Variants in NEURL1 observed in about 807,000 individuals in gnomAD.
NEURL1 encodes E3 ubiquitin-protein ligase NEURL1.
A neutral mutation model predicts 41.2 loss-of-function variants in NEURL1; 26 were observed. The ratio of observed to expected loss-of-function variants is 0.63; its 90% CI spans 0.46 to 0.87. The LOEUF is 0.87. NEURL1 is among the 40% of genes least tolerant of loss of function. The pLI is 0.00. For missense variants in NEURL1, 761 were observed against 871.1 expected (o/e 0.87, Z 1.59); for synonymous variants, 400 against 402.3 (o/e 0.99, Z 0.07).
At chr10:103,527,224 C>G (rs1194030339) in intron 1 of NEURL1, among the ~76,000 whole-genome samples, 2 of 150,808 alleles carry the variant, frequency 1.3e-5, no homozygotes, top group African/African-American at 2.4e-5. Context: ...GCTATTGGCA[C>G]TTTCATTGCT....
Position 103,562,690 on chromosome 10 carries a change from G to A in NEURL1, c.86-8182G>A, listed in dbSNP as rs557245350. On this transcript the variant is annotated intron_variant, in intron 1 of 5. Transcript: ENST00000369780. ...GCTTGGTGATGCGTCCTCTGTTAGG[G>A]GGCTGATGGGGTCCTCAAAGGTCCA... Among the ~76,000 whole-genome samples the A allele has an allele frequency of 2.6e-5, 4 of 152,298 alleles. No homozygotes were observed. The South Asian group carries it at 6.2e-4, about 24-fold the overall frequency.
At chr10:103,543,149 C>T (rs1406244603) in intron 1 of NEURL1, among the ~76,000 whole-genome samples, 3 of 152,128 alleles carry the variant, frequency 2.0e-5, no homozygotes, top group African/African-American at 4.8e-5. Flanking sequence ...CAAGGTTTTC[C>T]GCCCCTCCTC....
rs1198902087 is a variant in NEURL1 at position 103,584,830 on chromosome 10, G to T, written c.944G>T (p.Arg315Leu). 2.1e-6 allele frequency: 3 copies of T among 1,413,598 alleles called. No homozygotes were observed. The highest frequency in any genetic ancestry group is 2.7e-6 in the Non-Finnish European group (3 of 1,091,906). The allele number at this position is 1,413,598 out of a possible 1,614,324, so 87.6% of individuals were successfully genotyped here. A position where few individuals can be genotyped will look rare whatever the true frequency, so the allele number is the denominator to read the frequency against. ...ATCCTCGACGAGCAGACGGTGGCGC[G>T]CGTGGAGCACGGGCGCGACGAGCGC... ...VRILDEQTVA[R>L]VEHGRDERAL... is the part of the protein sequence containing the mutation. The change falls in exon 4 of 6, where the codon CGC (arginine) becomes CTC (leucine). Residue 315 changes from arginine to leucine, a missense_variant. By Grantham distance (102) the Arg-to-Leu change is moderately radical (BLOSUM62 -2). Around this residue, in one of 5 missense-constraint regions of NEURL1, gnomAD observed 443 missense variants for 408.1 expected, o/e 1.09. Coordinates refer to ENST00000369780, the MANE Select transcript of NEURL1 (RefSeq NM_004210.5).
intron 1 of NEURL1, among the ~76,000 whole-genome samples, chr10:103,513,579 G>A (rs1430990020): frequency 2.0e-5 from 3 of 152,208 alleles, no homozygotes; most frequent in Non-Finnish European, 4.4e-5. Context: ...GAGAGTGTCT[G>A]GGGTCATGTC....
chr10:103,500,804 C>T (rs1259394250), intron 1 of NEURL1, among the ~76,000 whole-genome samples: 2 of 152,214 alleles, frequency 1.3e-5, no homozygotes, highest in African/African-American at 2.4e-5. Context: ...GGTTCCCAGC[C>T]CCCAGCTCAG....
At position 103,525,954 on chromosome 10, in the gene NEURL1, A is replaced by G. The variant is rs117962599; in HGVS notation, c.85+31482A>G. Among the ~76,000 whole-genome samples, 184 of 152,306 alleles carry G rather than the reference A, an allele frequency of 1.2e-3. 3 individuals are homozygous for G. In the East Asian group the frequency reaches 0.034, roughly 28 times the overall value. ...TAACTTGTTGAGAGTTTTTATCATG[A>G]AGGGATGTTGAATTTTATCAAGTAC... On this transcript the variant is annotated intron_variant, in intron 1 of 5. Transcript: ENST00000369780.
In NEURL1 at chr10:103,589,627, T is replaced by G; in HGVS notation, c.1453T>G (p.Cys485Gly). The G allele has an allele frequency of 3.1e-6, 5 of 1,613,636 alleles. No individual in the cohort carries two copies. The highest frequency in any genetic ancestry group is 4.2e-6 in the Non-Finnish European group (5 of 1,179,758). ...SRLSDPLLST[C>G]SSGPLGSSAG... is the part of the protein sequence containing the mutation. ...CCTGTCTGACCCCTTGCTCAGCACG[T>G]GCAGCTCTGGCCCTCTGGGTAGCTC... Residue 485 changes from cysteine to glycine, a missense_variant, in exon 5 of 6, where the codon TGC becomes GGC. Cys to Gly is a radical substitution (Grantham distance 159). Transcript: ENST00000369780.
chr10:103,527,264 G>A lies in NEURL1; in HGVS notation c.85+32792G>A, dbSNP rs56778529. Among the ~76,000 whole-genome samples the A allele has an allele frequency of 1.1e-4, 16 of 150,762 alleles. No homozygotes were observed. The East Asian group carries it at 2.9e-3, about 28-fold the overall frequency. On this transcript the variant is annotated intron_variant, in intron 1 of 5. Transcript: ENST00000369780. ...TGGTTTTGGTAGGTTTTGACTGGCT[G>A]GATTTTTTTATTGCACTTTTTTTCT... is the stretch of plus-strand genomic sequence containing the variant.
chr10:103,576,948 T>G (rs2035678388), intron 3 of NEURL1, among the ~76,000 whole-genome samples: 2 of 151,960 alleles, frequency 1.3e-5, no homozygotes, highest in African/African-American at 4.8e-5. Flanking sequence ...AGCTTGGAGG[T>G]GCTGAGCATG....
chr10:103,522,141 A>G (rs2034362955), intron 1 of NEURL1, among the ~76,000 whole-genome samples: 1 of 152,164 alleles, frequency 6.6e-6, no homozygotes, highest in Non-Finnish European at 1.5e-5. Context: ...GAATGTCATC[A>G]GTTAAGGCAA....
chr10:103,544,738 G>A (rs1407531510), intron 1 of NEURL1, among the ~76,000 whole-genome samples: 1 of 152,206 alleles, frequency 6.6e-6, no homozygotes, highest in Admixed American at 6.5e-5. Context: ...TGTGAGGGGT[G>A]CAGCATTTGT....
intron 1 of NEURL1, among the ~76,000 whole-genome samples, chr10:103,542,511 C>T (rs566843936): frequency 7.2e-5 from 11 of 152,282 alleles, no homozygotes; most frequent in South Asian, 6.2e-4. Flanking sequence ...GATCCTCCTG[C>T]GTCAGCCTCC....
chr10:103,535,337 A>G (rs571057897), intron 1 of NEURL1, among the ~76,000 whole-genome samples: 1 of 152,214 alleles, frequency 6.6e-6, no homozygotes, highest in South Asian at 2.1e-4. Context: ...GTAGGGCAGG[A>G]TGTCTCAGTT....
At chr10:103,494,596 T>C in intron 1 of NEURL1, 124 bp downstream of exon 1, 3 of 854,694 alleles carry the variant, frequency 3.5e-6, no homozygotes, top group Non-Finnish European at 5.2e-6. Context: ...GATGCACCTC[T>C]GGCCGTGGAG....
At position 103,584,870 on chromosome 10, in the gene NEURL1, C is replaced by G; in HGVS notation, c.984C>G (p.Thr328=). ...HGRDERALVF[T]SRPVRVAETI... ...GCGACGAGCGCGCGCTCGTCTTCAC[C>G]AGCCGGCCCGTGCGCGTGGCCGAGA... Residue 328 remains threonine, a synonymous_variant, in exon 4 of 6, where the codon ACC becomes ACG. Coordinates refer to ENST00000369780, the MANE Select transcript of NEURL1 (RefSeq NM_004210.5). 2 of 1,425,978 alleles carry G rather than the reference C, an allele frequency of 1.4e-6. No homozygotes were observed. The highest frequency in any genetic ancestry group is 1.8e-6 in the Non-Finnish European group (2 of 1,099,590). The allele number at this position is 1,425,978 out of a possible 1,614,324, so 88.3% of individuals were successfully genotyped here. A position where few individuals can be genotyped will look rare whatever the true frequency, so the allele number is the denominator to read the frequency against.
Position 103,584,731 on chromosome 10 carries a change from A to G in NEURL1, c.845A>G (p.His282Arg), listed in dbSNP as rs1478300722. Residue 282 changes from histidine to arginine, a missense_variant, in exon 4 of 6, where the codon CAC (histidine) becomes CGC (arginine). Coordinates refer to ENST00000369780, the MANE Select transcript of NEURL1 (RefSeq NM_004210.5). ...PIPQNSLNSQ[H>R]SRALPAQLDG... The stretch of plus-strand genomic sequence containing the variant: ...CCGCAGAACTCACTCAACTCGCAGC[A>G]CAGCCGCGCGCTGCCGGCGCAGCTC... 8 of 1,454,710 alleles carry G rather than the reference A, an allele frequency of 5.5e-6. No individual in the cohort carries two copies. The highest frequency in any genetic ancestry group is 7.2e-6 in the Non-Finnish European group (8 of 1,108,318). 90.1% of individuals were successfully genotyped at this position (1,454,710 alleles called of 1,614,324 possible).
At position 103,566,255 on chromosome 10, in the gene NEURL1, A is replaced by G. The variant is rs1014956587; in HGVS notation, c.86-4617A>G. On this transcript the variant is annotated intron_variant, in intron 1 of 5. Coordinates refer to ENST00000369780, the MANE Select transcript of NEURL1 (RefSeq NM_004210.5). This position sits in a 1 kb window ranked among gnomAD's most constrained non-coding sequence, Gnocchi z 4.2. The stretch of plus-strand genomic sequence containing the variant: ...CAGGTGCGAGACACCATGCCTGGCT[A>G]ATTTTTTATTTTTATCTGTACAACG... Among the ~76,000 whole-genome samples the G allele has an allele frequency of 6.6e-5, 10 of 151,992 alleles. No individual in the cohort carries two copies. The highest frequency in any genetic ancestry group is 2.4e-4 in the African/African-American group (10 of 41,366).
chr10:103,571,016 A>C lies in NEURL1; in HGVS notation c.230A>C (p.Asp77Ala), dbSNP rs1592231802. 6.2e-7 allele frequency: 1 copy of C among 1,613,862 alleles called. No individual in the cohort carries two copies. Among genetic ancestry groups the C allele is most frequent in the Non-Finnish European group, 8.5e-7 (1 of 1,179,972 alleles). The stretch of plus-strand genomic sequence containing the variant: ...ACCAAGGGCTCCCAGATCCTCATGG[A>C]CCTCAGCCACAAGGCTGTCAAGAGG... ...PHTKGSQILM[D>A]LSHKAVKRQA... The change falls in exon 2 of 6, where the codon GAC becomes GCC. Residue 77 changes from aspartate to alanine, a missense_variant. By Grantham distance (126) the Asp-to-Ala change is moderately radical. Transcript: ENST00000369780.
chr10:103,583,705 C>CA (rs1228630032), intron 3 of NEURL1, among the ~76,000 whole-genome samples: 6,109 of 19,568 alleles, frequency 0.31, 2,325 homozygotes, highest in East Asian at 0.61. Context: ...GATCCTGTCT[C>CA]AAAAAAAAAA....
Sources: allele counts gnomAD v4.1 joint callset (sites outside exome capture counted in the v4.1 genomes callset), GRCh38; gene constraint gnomAD v4.1.1; regional missense constraint gnomAD v4.1.1; non-coding constraint Gnocchi (gnomAD v3.1); transcripts MANE v1.5; gene names NCBI Gene and HGNC (gene_info 2026-07-23, HGNC 2026-07-21).